Variants in PLXNA4 observed in about 807,000 individuals in gnomAD.
PLXNA4 encodes the protein plexin A4.
In PLXNA4, 44 loss-of-function variants were observed where a neutral mutation model predicts 191.8. The ratio of observed to expected loss-of-function variants is 0.23; its 90% CI spans 0.18 to 0.29. The LOEUF (loss-of-function observed/expected upper bound fraction) is 0.29, where lower values mean the gene tolerates loss of function less well. Among genes scored for constraint, PLXNA4 ranks in the 10% least tolerant of loss-of-function variants. The pLI is 1.00. For missense variants in PLXNA4, 1,800 were observed against 2,488.8 expected, an observed-to-expected ratio of 0.72 and a Z score of 5.89; for synonymous variants, 1,082 against 1,009.5, an observed-to-expected ratio of 1.07 and a Z score of -1.36.
At chr7:132,440,121 C>T (rs1429689287) in intron 3 of PLXNA4, among the ~76,000 whole-genome samples, 2 of 152,080 alleles carry the variant, frequency 1.3e-5, no homozygotes, top group Admixed American at 6.5e-5. Context: ...AGTGAGGCAA[C>T]AAAAACAAAT....
At chr7:132,215,649 G>A (rs1318398167) in intron 9 of PLXNA4, among the ~76,000 whole-genome samples, 3 of 152,194 alleles carry the variant, frequency 2.0e-5, no homozygotes, top group Admixed American at 6.5e-5. Context: ...CTCCTCTGGG[G>A]AAGGGAGAGG....
intron 4 of PLXNA4, among the ~76,000 whole-genome samples, chr7:132,273,036 A>G (rs1427595867): frequency 6.6e-6 from 1 of 152,220 alleles, no homozygotes; most frequent in African/African-American, 2.4e-5. Context: ...TCCTAAAGCC[A>G]TATCTACTAC....
At chr7:132,219,385 G>T (rs914146851) in intron 9 of PLXNA4, among the ~76,000 whole-genome samples, 22 of 152,170 alleles carry the variant, frequency 1.4e-4, no homozygotes, top group African/African-American at 5.3e-4. Context: ...CTTTCCAGCT[G>T]CTTTCTACTT....
chr7:132,364,424 G>T (rs1585039011), intron 3 of PLXNA4, among the ~76,000 whole-genome samples: 2 of 152,326 alleles, frequency 1.3e-5, no homozygotes, highest in East Asian at 1.9e-4. Context: ...TGTCCTCTCT[G>T]CACTGGGGCA....
At chr7:132,198,322 G>A (rs941353558) in intron 13 of PLXNA4, among the ~76,000 whole-genome samples, 163 bp downstream of exon 13, 1 of 152,126 alleles carries the variant, frequency 6.6e-6, no homozygotes, top group African/African-American at 2.4e-5. Context: ...CTGAGCAGGC[G>A]GGGAGTTGTG....
intron 2 of PLXNA4, among the ~76,000 whole-genome samples, chr7:132,604,261 ACTAGCT>A (rs748389190): frequency 6.6e-6 from 1 of 152,168 alleles, no homozygotes; most frequent in African/African-American, 2.4e-5. Flanking sequence ...ATGAACTCCC[ACTAGCT>A]CAGGAGCTGA....
At chr7:132,264,825 G>T (rs1291543350) in intron 4 of PLXNA4, among the ~76,000 whole-genome samples, 5 of 151,912 alleles carry the variant, frequency 3.3e-5, no homozygotes, top group African/African-American at 1.2e-4. Context: ...AGCCTCCCAA[G>T]TAGCTGGGAT....
intron 3 of PLXNA4, among the ~76,000 whole-genome samples, chr7:132,405,272 C>A (rs993051680): frequency 6.6e-6 from 1 of 152,070 alleles, no homozygotes; most frequent in African/African-American, 2.4e-5. Flanking sequence ...AATGGGCTAC[C>A]GCAATGCCGA....
intron 3 of PLXNA4, among the ~76,000 whole-genome samples, chr7:132,370,742 A>T (rs542828960): frequency 6.6e-6 from 1 of 151,884 alleles, no homozygotes; most frequent in African/African-American, 2.4e-5. Flanking sequence ...CATTCTATTG[A>T]CTCCTTATCA....
chr7:132,355,818 A>G (rs1039451600), intron 3 of PLXNA4, among the ~76,000 whole-genome samples: 2 of 152,168 alleles, frequency 1.3e-5, no homozygotes, highest in Non-Finnish European at 2.9e-5. Flanking sequence ...TATGATGCCA[A>G]CAGAGAAAAG....
chr7:132,500,645 C>T (rs75783932), intron 2 of PLXNA4, among the ~76,000 whole-genome samples: 1,606 of 152,186 alleles, frequency 0.011, 26 homozygotes, highest in African/African-American at 0.036. Context: ...AATATTATTA[C>T]GCCCCTTTCT....
At chr7:132,503,613 T>C (rs554466922) in intron 2 of PLXNA4, among the ~76,000 whole-genome samples, 1 of 152,322 alleles carries the variant, frequency 6.6e-6, no homozygotes, top group Non-Finnish European at 1.5e-5. Context: ...TCACATGCTC[T>C]GCAGACAGGG....
intron 5 of PLXNA4, among the ~76,000 whole-genome samples, chr7:132,233,767 C>A: frequency 6.6e-6 from 1 of 152,254 alleles, no homozygotes; most frequent in Middle Eastern, 3.2e-3. Flanking sequence ...AGATGCTGGG[C>A]TTGCAGCCTT....
In PLXNA4 at chr7:132,165,218, G is replaced by A. The variant is rs746056866; in HGVS notation, c.4287-18C>T. The A allele has an allele frequency of 5.0e-6, 8 of 1,609,856 alleles. No individual in the cohort carries two copies. In the South Asian group the frequency reaches 6.6e-5, roughly 13 times the overall value. ...ACTCAGTCCTGTCAGCAGTCACCGA[G>A]GGAACCAACGGAACAAGACAAAGAA... On this transcript the variant is annotated intron_variant, in intron 22 of 31. Transcript: ENST00000321063.
intron 10 of PLXNA4, among the ~76,000 whole-genome samples, chr7:132,205,336 G>A (rs879458856): frequency 6.6e-6 from 1 of 152,146 alleles, no homozygotes; most frequent in Non-Finnish European, 1.5e-5. Flanking sequence ...TGCCGGACTG[G>A]AATCTCTAAA....
chr7:132,355,756 G>GA (rs1803676929), intron 3 of PLXNA4, among the ~76,000 whole-genome samples: 1 of 152,010 alleles, frequency 6.6e-6, no homozygotes, highest in Non-Finnish European at 1.5e-5. Context: ...GGGGAAGGGG[G>GA]AAAAATCAAG....
intron 3 of PLXNA4, among the ~76,000 whole-genome samples, chr7:132,360,808 A>T (rs149114291): frequency 1.3e-5 from 2 of 152,290 alleles, no homozygotes; most frequent in Non-Finnish European, 2.9e-5. Context: ...AGTCCTGCAC[A>T]GCACCCTGGA....
chr7:132,137,055 C>T (rs1795133576), intron 30 of PLXNA4, among the ~76,000 whole-genome samples: 1 of 152,126 alleles, frequency 6.6e-6, no homozygotes, highest in Non-Finnish European at 1.5e-5. Flanking sequence ...CCAACTCACT[C>T]ATGATGGATA....
chr7:132,248,418 T>C (rs145829664), intron 4 of PLXNA4, among the ~76,000 whole-genome samples: 2 of 152,188 alleles, frequency 1.3e-5, no homozygotes, highest in Admixed American at 6.5e-5. Flanking sequence ...AGCTTTATTG[T>C]GGCAATAGCT....
Sources: gnomAD v4.1 joint callset for allele counts (sites outside exome capture counted in the v4.1 genomes callset) on GRCh38, gnomAD v4.1.1 for gene constraint, MANE v1.5 for transcripts, NCBI Gene and HGNC (gene_info 2026-07-23, HGNC 2026-07-21) for gene names.